Variants in NRAP observed in about 807,000 individuals in gnomAD.
NRAP encodes nebulin-related-anchoring protein.
In NRAP, 189 loss-of-function variants were observed where a neutral mutation model predicts 225.9. The ratio of observed to expected loss-of-function variants is 0.84; its 90% CI spans 0.74 to 0.94. The LOEUF is 0.94. Ranked by LOEUF, NRAP falls within the 40% of genes least tolerant of loss-of-function variation. The probability of loss-of-function intolerance (pLI) is 0.00; values close to 1 mark genes in which losing one functional copy is unlikely to be tolerated. For synonymous variants in NRAP, 769 were observed against 790.7 expected (o/e 0.97, Z 0.46); for missense variants, 2,176 against 2,168.7 (o/e 1.00, Z -0.07).
chr10:113,645,606 G>A (rs1488085896), intron 11 of NRAP, among the ~76,000 whole-genome samples: 3 of 152,268 alleles, frequency 2.0e-5, no homozygotes, highest in South Asian at 2.1e-4. Context: ...TAGTAGAGAC[G>A]GGGTTTCTCC....
intron 5 of NRAP, among the ~76,000 whole-genome samples, chr10:113,653,305 TGG>T (rs915400805): frequency 5.9e-5 from 9 of 152,232 alleles, no homozygotes; most frequent in Non-Finnish European, 1.0e-4. Flanking sequence ...GGCTGCCCTT[TGG>T]CTCTAAGGCC....
chr10:113,622,790 T>C (rs541465798), intron 23 of NRAP, among the ~76,000 whole-genome samples: 20 of 152,262 alleles, frequency 1.3e-4, no homozygotes, highest in African/African-American at 4.8e-4. Context: ...CCTGTGTAAC[T>C]CAAGTGCATC....
intron 11 of NRAP, among the ~76,000 whole-genome samples, chr10:113,644,798 T>G (rs1157913714): frequency 1.3e-5 from 2 of 152,236 alleles, no homozygotes; most frequent in African/African-American, 4.8e-5. Flanking sequence ...AAAATATTTT[T>G]GGATATTTGC....
chr10:113,663,542 A>T, intron 1 of NRAP, 96 bp from the exon 2 acceptor site: 1 of 796,646 alleles, frequency 1.3e-6, no homozygotes, highest in East Asian at 2.7e-5. Flanking sequence ...CTTCGAGGAT[A>T]AAATGCTGAT....
At position 113,653,021 on chromosome 10, in the gene NRAP, C is replaced by T. The variant is rs370736460; in HGVS notation, c.484G>A (p.Glu162Lys). Residue 162 changes from glutamate to lysine, a missense_variant, in exon 6 of 42, where the codon GAG becomes AAG. Glu to Lys is a moderately conservative substitution (Grantham distance 56). Transcript: ENST00000359988. ...SLGEEYTEDYEQPRGKGSFPA... is the reference protein window; with the variant it reads ...SLGEEYTEDYKQPRGKGSFPA... ...AAGCTCCCCTTGCCCCTGGGTTGCT[C>T]ATAGTCTTCTGTATATTCCTGTTGG... The T allele has an allele frequency of 6.2e-7, 1 of 1,610,286 alleles. No individual in the cohort carries two copies. The highest frequency in any genetic ancestry group is 1.3e-5 in the African/African-American group (1 of 74,282).
At position 113,604,802 on chromosome 10, in the gene NRAP, T is replaced by C; in HGVS notation, c.4034A>G (p.Gln1345Arg). ...GCTGCTGGTCGCCCCCCTCCTGTAC[T>C]GAAGCTCGCTCTGCAGCTGGCCCAT... The part of the protein sequence containing the change: ...RRMGQLQSEL[Q>R]YRRGATSSQA... Residue 1345 changes from glutamine (Q) to arginine (R), a missense_variant, in exon 35 of 42, where the codon CAG becomes CGG. This residue lies in a region of NRAP where 1,708 missense variants were observed against 1,695.5 expected (regional missense o/e 1.01). Coordinates refer to ENST00000359988, the MANE Select transcript of NRAP (RefSeq NM_198060.4). 6.2e-7 allele frequency: 1 copy of C among 1,614,192 alleles called. No homozygotes were observed. The highest frequency in any genetic ancestry group is 8.5e-7 in the Non-Finnish European group (1 of 1,180,038).
At chr10:113,622,565 C>T (rs774087967) in intron 23 of NRAP, among the ~76,000 whole-genome samples, 27 of 152,074 alleles carry the variant, frequency 1.8e-4, no homozygotes, top group Non-Finnish European at 3.5e-4. Flanking sequence ...TGAAAAATAA[C>T]ACTAGGTCGA....
intron 25 of NRAP, among the ~76,000 whole-genome samples, chr10:113,619,422 C>T (rs771709368): frequency 6.6e-6 from 1 of 152,146 alleles, no homozygotes; most frequent in Non-Finnish European, 1.5e-5. Flanking sequence ...CCAGGGTCTT[C>T]TGAGCCTTGA....
chr10:113,661,332 C>T (rs1305602113), intron 3 of NRAP, among the ~76,000 whole-genome samples: 1 of 152,128 alleles, frequency 6.6e-6, no homozygotes, highest in Non-Finnish European at 1.5e-5. Context: ...AATAAACTCA[C>T]AATTAGTTCT....
At position 113,620,655 on chromosome 10, in the gene NRAP, G is replaced by C. The variant is rs770867037; in HGVS notation, c.2823C>G (p.Thr941=). 4 of 1,613,526 alleles carry C rather than the reference G, an allele frequency of 2.5e-6. No homozygotes were observed. The South Asian group carries it at 3.3e-5, about 13-fold the overall frequency. The change falls in exon 25 of 42, where the codon ACC becomes ACG. Residue 941 remains threonine, a synonymous_variant. Transcript: ENST00000359988. The part of the protein sequence containing the change: ...KWMKGMGWVA[T]GSLNVEQAKK... ...TCGCCTGCTCCACATTTAATGACCC[G>C]GTGGCGACCCAGCCCATGCCTTTCA...
chr10:113,646,317 G>A (rs1184745236), intron 10 of NRAP, among the ~76,000 whole-genome samples: 1 of 152,158 alleles, frequency 6.6e-6, no homozygotes, highest in Admixed American at 6.5e-5. Context: ...CAAAGATGGT[G>A]CTGTTATGGG....
At chr10:113,647,127 A>T in intron 9 of NRAP, 100 bp from the exon 10 acceptor site, 1 of 784,778 alleles carries the variant, frequency 1.3e-6, no homozygotes, top group Non-Finnish European at 2.3e-6. Context: ...ACAGAGGTTC[A>T]TCCACCTTGG....
At chr10:113,655,287 T>C (rs1850239220) in intron 4 of NRAP, among the ~76,000 whole-genome samples, 1 of 152,168 alleles carries the variant, frequency 6.6e-6, no homozygotes, top group South Asian at 2.1e-4. Context: ...AAAAGGGACA[T>C]ACCCTTTGAT....
In NRAP at chr10:113,633,115, T is replaced by C; in HGVS notation, c.1601A>G (p.Lys534Arg). 6.2e-7 allele frequency: 1 copy of C among 1,607,714 alleles called. No individual in the cohort carries two copies. Among genetic ancestry groups the C allele is most frequent in the African/African-American group, 1.3e-5 (1 of 74,886 alleles). Residue 534 changes from lysine to arginine, a missense_variant, in exon 16 of 42, where the codon AAG becomes AGG. Coordinates refer to ENST00000359988, the MANE Select transcript of NRAP (RefSeq NM_198060.4). ...GAAGAGTTTGGCATTGGTTTTGGCCTTCACCAGCTGAGGAACATCCTGGGG... is the reference window on the plus strand; with the variant it reads ...GAAGAGTTTGGCATTGGTTTTGGCCCTCACCAGCTGAGGAACATCCTGGGG... ...TLPQDVPQLVKAKTNAKLFSE... is the reference protein window; with the variant it reads ...TLPQDVPQLVRAKTNAKLFSE...
chr10:113,605,904 A>G (rs1331905610), intron 33 of NRAP, 35 bp from the exon 34 acceptor site: 3 of 1,472,300 alleles, frequency 2.0e-6, no homozygotes, highest in African/African-American at 2.8e-5. Flanking sequence ...TTTTTTAAAA[A>G]ATTACATGAA....
chr10:113,655,898 ATT>A (rs754707619), intron 4 of NRAP, among the ~76,000 whole-genome samples: 1 of 152,204 alleles, frequency 6.6e-6, no homozygotes, highest in East Asian at 1.9e-4. Context: ...AAAAGTATAC[ATT>A]TTAATAGAAA....
rs187687189 is a variant in NRAP, at chr10:113,646,731, C to T, written c.993+192G>A. Reference sequence around the variant, plus strand: ...CCTCAAGCGAGCTATGCTGGCTGTCCGTGTCCATCTCCTTGGAAGCAGACA... The same window carrying T: ...CCTCAAGCGAGCTATGCTGGCTGTCTGTGTCCATCTCCTTGGAAGCAGACA... On this transcript the variant is annotated intron_variant, in intron 10 of 41. Coordinates refer to ENST00000359988, the MANE Select transcript of NRAP (RefSeq NM_198060.4). Among the ~76,000 whole-genome samples, 886 of 152,324 alleles carry T rather than the reference C, an allele frequency of 5.8e-3. 3 individuals carry two copies. The highest frequency in any genetic ancestry group is 9.8e-3 in the Non-Finnish European group (666 of 68,032).
chr10:113,621,350 G>T (rs554127332), intron 24 of NRAP, among the ~76,000 whole-genome samples: 1 of 149,318 alleles, frequency 6.7e-6, no homozygotes, highest in South Asian at 2.2e-4. Context: ...CAACCTTCCT[G>T]TGTGACAGTC....
At chr10:113,634,569 G>A (rs1394566648) in intron 14 of NRAP, among the ~76,000 whole-genome samples, 1 of 152,220 alleles carries the variant, frequency 6.6e-6, no homozygotes, top group Non-Finnish European at 1.5e-5. Context: ...TGTTGGCAAA[G>A]GATGAGGACT....
Sources: allele counts gnomAD v4.1 joint callset (sites outside exome capture counted in the v4.1 genomes callset), GRCh38; gene constraint gnomAD v4.1.1; regional missense constraint gnomAD v4.1.1; transcripts MANE v1.5; gene names NCBI Gene and HGNC (gene_info 2026-07-23, HGNC 2026-07-21).